Variants in CDH4 observed in about 807,000 individuals in gnomAD.
CDH4 encodes the protein cadherin-4.
A neutral mutation model predicts 86.0 loss-of-function variants in CDH4; 33 were observed. The ratio of observed to expected loss-of-function variants is 0.38; its 90% CI spans 0.29 to 0.51. The LOEUF (loss-of-function observed/expected upper bound fraction) is 0.51, where lower values mean the gene tolerates loss of function less well. CDH4 is among the 20% of genes least tolerant of loss of function. CDH4 has a pLI of 0.86. For missense variants in CDH4, 1,114 were observed against 1,307.4 expected (o/e 0.85, Z 2.28); for synonymous variants, 555 against 549.4 (o/e 1.01, Z -0.14).
intron 2 of CDH4, among the ~76,000 whole-genome samples, chr20:61,509,541 G>A (rs1390724595): frequency 6.7e-6 from 1 of 150,168 alleles, no homozygotes; most frequent in Admixed American, 6.7e-5. Flanking sequence ...GCGGGAGGAG[G>A]GTTCTTCCCA....
At position 61,470,743 on chromosome 20, in the gene CDH4, A is replaced by T. The variant is rs188716835; in HGVS notation, c.169+215806A>T. On this transcript the variant is annotated intron_variant, in intron 2 of 15. Coordinates refer to ENST00000614565, the MANE Select transcript of CDH4 (RefSeq NM_001794.5). ...CAAGTGTTTATGAGCATTTTTCTTA[A>T]TCATGAAGGGATGTTGGTTTTTATC... Among the ~76,000 whole-genome samples, 9 of 152,180 alleles carry T rather than the reference A, an allele frequency of 5.9e-5. No individual in the cohort carries two copies. In the East Asian group the frequency reaches 1.7e-3, roughly 29 times the overall value.
chr20:61,848,736 C>T (rs898630039), intron 5 of CDH4, among the ~76,000 whole-genome samples: 14 of 152,142 alleles, frequency 9.2e-5, no homozygotes, highest in African/African-American at 2.9e-4. Context: ...CCATGTTGGC[C>T]AGGCTGGTCT....
At chr20:61,398,593 C>T (rs756135761) in intron 2 of CDH4, among the ~76,000 whole-genome samples, 2 of 152,200 alleles carry the variant, frequency 1.3e-5, no homozygotes, top group African/African-American at 4.8e-5. Flanking sequence ...TCTAGGGAGC[C>T]GAGTCTTTCT....
intron 2 of CDH4, among the ~76,000 whole-genome samples, chr20:61,655,601 G>A (rs2087178767): frequency 6.6e-6 from 1 of 152,240 alleles, no homozygotes; most frequent in African/African-American, 2.4e-5. Flanking sequence ...AGTGCCCACC[G>A]GCCAGGAAGC....
intron 2 of CDH4, among the ~76,000 whole-genome samples, chr20:61,263,834 C>T (rs1320103345): frequency 6.6e-6 from 1 of 152,078 alleles, no homozygotes; most frequent in East Asian, 1.9e-4. Context: ...CCTCAGGGCT[C>T]CTGCACTCCT....
At chr20:61,789,782 G>A (rs1979073587) in intron 4 of CDH4, among the ~76,000 whole-genome samples, 1 of 152,242 alleles carries the variant, frequency 6.6e-6, no homozygotes. Flanking sequence ...AGAACTGGTG[G>A]AGAAGGGAAA....
At chr20:61,312,316 ATG>A (rs2084450947) in intron 2 of CDH4, among the ~76,000 whole-genome samples, 1 of 144,420 alleles carries the variant, frequency 6.9e-6, no homozygotes, top group South Asian at 2.2e-4. Flanking sequence ...TGGTGTGTGC[ATG>A]TGTGTGGTGT....
In CDH4 at chr20:61,703,051, G is replaced by A. The variant is rs1050200861; in HGVS notation, c.170-40512G>A. 2.6e-5 allele frequency among the ~76,000 whole-genome samples: 4 copies of A among 152,252 alleles called. No homozygotes were observed. Among genetic ancestry groups the A allele is most frequent in the Middle Eastern group, 3.4e-3 (1 of 294 alleles). ...GTGCCGTGGTCAGTGCCATGTTTTC[G>A]GGTAGAGCAATGAACATAAAGGATG... On this transcript the variant is annotated intron_variant, in intron 2 of 15. Coordinates refer to ENST00000614565, the MANE Select transcript of CDH4 (RefSeq NM_001794.5). The surrounding 1 kb of genome is among the most constrained non-coding windows in gnomAD (Gnocchi z 4.3).
intron 2 of CDH4, among the ~76,000 whole-genome samples, chr20:61,504,540 A>G (rs1205962566): frequency 6.6e-6 from 1 of 152,108 alleles, no homozygotes; most frequent in African/African-American, 2.4e-5. Flanking sequence ...ACTGCCCAAG[A>G]TCCCACCGTA....
At chr20:61,736,596 G>A (rs2088266197) in intron 2 of CDH4, among the ~76,000 whole-genome samples, 1 of 151,970 alleles carries the variant, frequency 6.6e-6, no homozygotes, top group Admixed American at 6.6e-5. Context: ...TGGATGAAGG[G>A]GAGAGGGAGG....
intron 2 of CDH4, among the ~76,000 whole-genome samples, chr20:61,372,604 C>G (rs1484602636): frequency 6.6e-6 from 1 of 152,232 alleles, no homozygotes; most frequent in Non-Finnish European, 1.5e-5. Context: ...CTGTGGTGGA[C>G]TTGGGTGGCT....
intron 2 of CDH4, among the ~76,000 whole-genome samples, chr20:61,479,182 GT>G (rs77238763): frequency 0.49 from 73,839 of 151,256 alleles, 18,207 homozygotes; most frequent in Admixed American, 0.54. Context: ...TTTGTTTTTT[GT>G]TTTTTTGTTT....
chr20:61,804,385 T>C (rs891128398), intron 4 of CDH4, among the ~76,000 whole-genome samples: 1 of 152,232 alleles, frequency 6.6e-6, no homozygotes, highest in Non-Finnish European at 1.5e-5. Context: ...CTGTCCATGC[T>C]GTCTGACCAC....
At chr20:61,593,520 C>T (rs182257065) in intron 2 of CDH4, among the ~76,000 whole-genome samples, 3 of 152,232 alleles carry the variant, frequency 2.0e-5, no homozygotes, top group Non-Finnish European at 2.9e-5. Context: ...TTGCTATATT[C>T]CAGTTTCATG....
chr20:61,724,303 G>T (rs2088084589), intron 2 of CDH4, among the ~76,000 whole-genome samples: 1 of 152,202 alleles, frequency 6.6e-6, no homozygotes, highest in African/African-American at 2.4e-5. Flanking sequence ...CAGCAGGGCA[G>T]CCTCAGACAG....
intron 2 of CDH4, among the ~76,000 whole-genome samples, chr20:61,735,288 TA>T (rs1374177054): frequency 6.6e-6 from 1 of 152,120 alleles, no homozygotes; most frequent in African/African-American, 2.4e-5. Context: ...AAAACTGAAG[TA>T]AAATTCACAT....
chr20:61,753,331 T>G (rs958187275), intron 3 of CDH4, among the ~76,000 whole-genome samples: 5 of 152,198 alleles, frequency 3.3e-5, no homozygotes, highest in African/African-American at 1.2e-4. Context: ...TCTGGGGAGC[T>G]GGGTAAAACT....
At chr20:61,713,184 C>T (rs2087911496) in intron 2 of CDH4, among the ~76,000 whole-genome samples, 1 of 152,206 alleles carries the variant, frequency 6.6e-6, no homozygotes, top group Non-Finnish European at 1.5e-5. Flanking sequence ...AATGTATCTG[C>T]ACATCCTCAC....
Position 61,873,756 on chromosome 20 carries a change from C to T in CDH4, c.906C>T (p.Asn302=), listed in dbSNP as rs145224808. 2.0e-4 allele frequency: 328 copies of T among 1,613,756 alleles called. No individual in the cohort carries two copies. In the Middle Eastern group the frequency reaches 2.1e-3, roughly 11 times the overall value. The change falls in exon 7 of 16, where the codon AAC becomes AAT. Residue 302 remains asparagine (N), a synonymous_variant. Coordinates refer to ENST00000614565, the MANE Select transcript of CDH4 (RefSeq NM_001794.5). ...PGTYVMTVTA[N]DADDSTTANG... ...CCTACGTGATGACCGTCACGGCCAA[C>T]GATGCTGACGACAGCACCACGGCCA...
Sources: allele counts gnomAD v4.1 joint callset (sites outside exome capture counted in the v4.1 genomes callset), GRCh38; gene constraint gnomAD v4.1.1; non-coding constraint Gnocchi (gnomAD v3.1); transcripts MANE v1.5; gene names NCBI Gene and HGNC (gene_info 2026-07-23, HGNC 2026-07-21).